TMEM45A: variants seen among roughly 807,000 people sequenced by gnomAD.
The protein encoded by TMEM45A is DNA polymerase-transactivated protein 4.
A neutral mutation model predicts 32.0 loss-of-function variants in TMEM45A; 25 were observed. That is an observed-to-expected ratio of 0.78 (90% CI 0.57 to 1.09). The LOEUF is 1.09. Among genes scored for constraint, TMEM45A ranks in the 50% least tolerant of loss-of-function variants. TMEM45A has a pLI of 0.00. For missense variants in TMEM45A, 302 were observed against 325.0 expected (o/e 0.93, Z 0.54); for synonymous variants, 122 against 114.8 (o/e 1.06, Z -0.40).
intron 1 of TMEM45A, among the ~76,000 whole-genome samples, chr3:100,534,728 G>A (rs143678852): frequency 1.8e-3 from 278 of 152,316 alleles, no homozygotes; most frequent in African/African-American, 6.1e-3. Flanking sequence ...ATTTGGTGCT[G>A]TAGAAAGTGC....
chr3:100,514,032 G>A (rs1393556833), intron 1 of TMEM45A, among the ~76,000 whole-genome samples: 1 of 152,148 alleles, frequency 6.6e-6, no homozygotes, highest in Non-Finnish European at 1.5e-5. Flanking sequence ...AATCAATATC[G>A]TGAAAATGGC....
intron 1 of TMEM45A, among the ~76,000 whole-genome samples, chr3:100,511,658 A>T (rs1187642455): frequency 2.0e-5 from 3 of 150,532 alleles, no homozygotes; most frequent in African/African-American, 7.3e-5. Flanking sequence ...TAAATGCTCC[A>T]ATTAAAAGAC....
At chr3:100,574,449 G>C (rs983215754) in intron 5 of TMEM45A, 1 of 152,142 alleles carries the variant, frequency 6.6e-6, no homozygotes, top group Non-Finnish European at 1.5e-5. Context: ...GACTAAACCA[G>C]GAAGAAGTTG....
intron 5 of TMEM45A, among the ~76,000 whole-genome samples, chr3:100,575,363 CTTTTTTTTTTTTT>C (rs59739893): frequency 1.6e-4 from 10 of 62,706 alleles, no homozygotes; most frequent in Non-Finnish European, 3.1e-4. Context: ...TATGGATTCT[CTTTTTTTTTTTTT>C]TTTTTTTTTT....
chr3:100,519,651 G>C (rs2148946224), intron 1 of TMEM45A: 1 of 1,540,372 alleles, frequency 6.5e-7, no homozygotes, highest in East Asian at 2.4e-5. Flanking sequence ...GTGATAATGT[G>C]AAAAGAGCAA....
chr3:100,544,077 GGT>G (rs1491198490), intron 1 of TMEM45A, among the ~76,000 whole-genome samples: 1 of 148,172 alleles, frequency 6.7e-6, no homozygotes, highest in African/African-American at 2.6e-5. Context: ...AGTTTTAAGT[GGT>G]TTTTTTTTTT....
chr3:100,527,684 C>T (rs1705572383), intron 1 of TMEM45A, among the ~76,000 whole-genome samples: 1 of 152,168 alleles, frequency 6.6e-6, no homozygotes, highest in African/African-American at 2.4e-5. Context: ...GAAAGATATA[C>T]CAGTTCATGA....
At chr3:100,523,766 C>G (rs1705485712) in intron 1 of TMEM45A, among the ~76,000 whole-genome samples, 1 of 149,894 alleles carries the variant, frequency 6.7e-6, no homozygotes, top group Non-Finnish European at 1.5e-5. Flanking sequence ...TTCTCCTCCT[C>G]CTCCTTTCTC....
At chr3:100,562,379 A>G (rs1021385084) in intron 4 of TMEM45A, among the ~76,000 whole-genome samples, 4 of 152,270 alleles carry the variant, frequency 2.6e-5, no homozygotes, top group East Asian at 3.9e-4. Flanking sequence ...TAGAATGACT[A>G]TGGAATGTTT....
chr3:100,540,408 A>G (rs1705845405), intron 1 of TMEM45A, among the ~76,000 whole-genome samples: 1 of 152,252 alleles, frequency 6.6e-6, no homozygotes, highest in Non-Finnish European at 1.5e-5. Context: ...CAAAGAAGGC[A>G]TACAGATAGC....
chr3:100,494,067 A>G (rs6776432), intron 1 of TMEM45A, among the ~76,000 whole-genome samples: 31,543 of 152,184 alleles, frequency 0.21, 4,130 homozygotes, highest in Non-Finnish European at 0.3. Context: ...TTCTATCAAA[A>G]TAATATAAAA....
intron 1 of TMEM45A, among the ~76,000 whole-genome samples, chr3:100,501,760 T>C (rs1003647294): frequency 3.9e-5 from 6 of 152,154 alleles, no homozygotes; most frequent in Non-Finnish European, 8.8e-5. Flanking sequence ...GGTAGTAACA[T>C]AGGTGTTTAG....
intron 1 of TMEM45A, among the ~76,000 whole-genome samples, chr3:100,513,675 G>A (rs1347686283): frequency 1.3e-5 from 2 of 151,288 alleles, no homozygotes; most frequent in South Asian, 2.1e-4. Context: ...AGGAAAAGAG[G>A]AAGTCAAATT....
intron 1 of TMEM45A, among the ~76,000 whole-genome samples, chr3:100,493,778 C>G (rs894991515): frequency 9.9e-5 from 15 of 152,150 alleles, no homozygotes; most frequent in African/African-American, 3.4e-4. Context: ...GTCGCCAAGG[C>G]TGGAGTGCAA....
chr3:100,547,965 G>A (rs903760531), intron 1 of TMEM45A, among the ~76,000 whole-genome samples: 2 of 152,094 alleles, frequency 1.3e-5, no homozygotes, highest in South Asian at 4.2e-4. Flanking sequence ...CAAGTTTAGG[G>A]TTCTTGTCAT....
rs113834378 is a variant in TMEM45A at position 100,552,029 on chromosome 3, A to G, written c.-3-3180A>G. Among the ~76,000 whole-genome samples the G allele has an allele frequency of 5.5e-3, 834 of 152,230 alleles. 9 individuals carry two copies. The highest frequency in any genetic ancestry group is 0.019 in the African/African-American group (801 of 41,538). On this transcript the variant is annotated intron_variant, in intron 1 of 5. Transcript: ENST00000323523. ...GTCATAGGGGTGGGTCAGGAGGGCT[A>G]TTTGGCCTAGAGCTGTACATTCAGG...
intron 1 of TMEM45A, among the ~76,000 whole-genome samples, chr3:100,535,347 T>A (rs1576276108): frequency 1.3e-5 from 2 of 152,298 alleles, no homozygotes; most frequent in Admixed American, 1.3e-4. Context: ...TGGCTGGGCC[T>A]ATTTTTTTAA....
At chr3:100,493,886 C>T (rs987400476) in intron 1 of TMEM45A, among the ~76,000 whole-genome samples, 3 of 152,032 alleles carry the variant, frequency 2.0e-5, no homozygotes, top group African/African-American at 4.8e-5. Context: ...TGGCTGCCAC[C>T]GTGCCCAGCT....
intron 1 of TMEM45A, among the ~76,000 whole-genome samples, chr3:100,551,457 G>T (rs1024951412): frequency 2.6e-5 from 4 of 152,184 alleles, no homozygotes; most frequent in Non-Finnish European, 4.4e-5. Context: ...GGAAAGCCCC[G>T]TGGTCTCCTT....
Sources: allele counts gnomAD v4.1 joint callset (sites outside exome capture counted in the v4.1 genomes callset), GRCh38; gene constraint gnomAD v4.1.1; transcripts MANE v1.5; gene names NCBI Gene and HGNC (gene_info 2026-07-23, HGNC 2026-07-21).